PDE1C: variants seen among roughly 807,000 people sequenced by gnomAD.
PDE1C encodes dual specificity calcium/calmodulin-dependent 3',5'-cyclic nucleotide phosphodiesterase 1C.
In PDE1C, 62 loss-of-function variants were observed where a neutral mutation model predicts 93.1. The observed-to-expected ratio is 0.67, with a 90% CI of 0.54 to 0.82. The LOEUF (loss-of-function observed/expected upper bound fraction) is 0.82, where lower values mean the gene tolerates loss of function less well. Among genes scored for constraint, PDE1C ranks in the 40% least tolerant of loss-of-function variants. The pLI, the probability that PDE1C is intolerant of heterozygous loss-of-function variation, is 0.00. For synonymous variants in PDE1C, 325 were observed against 310.1 expected (o/e 1.05, Z -0.50); for missense variants, 742 against 884.6 (o/e 0.84, Z 2.04).
chr7:32,177,704 C>T lies in PDE1C; in HGVS notation c.137-7748G>A, dbSNP rs556753966. 3.3e-5 allele frequency among the ~76,000 whole-genome samples: 5 copies of T among 152,324 alleles called. No individual in the cohort carries two copies. In the South Asian group the frequency reaches 1.0e-3, roughly 32 times the overall value. ...TGAACCACACTGAGGCTCTTGCCTA[C>T]AGCAGCCTGATCCCCCCTCTGCCCA... On this transcript the variant is annotated intron_variant, in intron 2 of 18. Coordinates refer to the PDE1C transcript ENST00000396193.
the PDE1C span, among the ~76,000 whole-genome samples, chr7:31,642,515 C>G: frequency 2.0e-5 from 3 of 152,180 alleles, no homozygotes; most frequent in Non-Finnish European, 2.9e-5. Context: ...GGAGGCTGAG[C>G]CTCCTAGAGA....
intron 1 of PDE1C, among the ~76,000 whole-genome samples, chr7:32,326,366 G>A (rs1292178022): frequency 1.3e-5 from 2 of 152,164 alleles, no homozygotes; most frequent in South Asian, 2.1e-4. Context: ...AGATAACCAA[G>A]GGAATCACAT....
At chr7:32,248,475 T>C (rs1809128948) in intron 1 of PDE1C, among the ~76,000 whole-genome samples, 2 of 152,148 alleles carry the variant, frequency 1.3e-5, no homozygotes, top group South Asian at 2.1e-4. Context: ...AAAATTGAAA[T>C]AGCAGCTTGA....
intron 7 of PDE1C, among the ~76,000 whole-genome samples, chr7:31,857,771 T>C (rs894642868): frequency 6.6e-5 from 10 of 152,174 alleles, no homozygotes; most frequent in African/African-American, 2.4e-4. Flanking sequence ...AAGATTCTCA[T>C]AAACAAATAG....
At chr7:32,148,965 A>G (rs1801072474) in intron 3 of PDE1C, among the ~76,000 whole-genome samples, 1 of 152,224 alleles carries the variant, frequency 6.6e-6, no homozygotes, top group Admixed American at 6.5e-5. Context: ...TCAGGTGGAA[A>G]ACAAGATTCA....
intron 3 of PDE1C, among the ~76,000 whole-genome samples, chr7:32,111,882 A>G (rs1584783044): frequency 6.6e-6 from 1 of 152,232 alleles, no homozygotes; most frequent in Non-Finnish European, 1.5e-5. Context: ...TCTGCAAGAT[A>G]ATATAGATGG....
At chr7:32,420,124 T>TATACACAC (rs1207972839) in intron 1 of PDE1C, among the ~76,000 whole-genome samples, 2 of 13,088 alleles carry the variant, frequency 1.5e-4, no homozygotes, top group African/African-American at 4.9e-4. Flanking sequence ...TATATATATA[T>TATACACAC]ACACACACAC....
At chr7:31,765,394 C>T (rs1314116421) in intron 17 of PDE1C, among the ~76,000 whole-genome samples, 2 of 152,104 alleles carry the variant, frequency 1.3e-5, no homozygotes, top group Non-Finnish European at 2.9e-5. Context: ...TTTGTCTTGG[C>T]ATGATTCTAG....
chr7:32,309,529 C>A (rs1012390583), intron 1 of PDE1C, among the ~76,000 whole-genome samples: 5 of 152,172 alleles, frequency 3.3e-5, no homozygotes, highest in African/African-American at 1.2e-4. Flanking sequence ...AAGGGAAGCC[C>A]ATCAGACTAA....
intron 1 of PDE1C, among the ~76,000 whole-genome samples, chr7:32,348,040 G>A (rs1433704614): frequency 1.3e-5 from 2 of 152,168 alleles, no homozygotes; most frequent in Non-Finnish European, 2.9e-5. Flanking sequence ...TATTACATCT[G>A]ATGAAGGTCA....
At chr7:31,748,124 C>T (rs992533320), downstream of PDE1C, among the ~76,000 whole-genome samples, 6 of 149,830 alleles carry the variant, frequency 4.0e-5, no homozygotes, top group African/African-American at 1.5e-4. Context: ...TTAGCCTACA[C>T]CCAAGAATAA....
chr7:32,224,457 G>A (rs920749200), intron 1 of PDE1C, among the ~76,000 whole-genome samples: 2 of 152,106 alleles, frequency 1.3e-5, no homozygotes, highest in Non-Finnish European at 2.9e-5. Flanking sequence ...ACCTCTCTGA[G>A]TCACTTTCCT....
chr7:31,651,767 GT>G, the PDE1C span, among the ~76,000 whole-genome samples: 48,999 of 147,706 alleles, frequency 0.33, 8,167 homozygotes, highest in East Asian at 0.52. Flanking sequence ...CAATAAAGTT[GT>G]TTTTTTTTTT....
At chr7:31,838,610 T>C (rs76650889) in intron 9 of PDE1C, among the ~76,000 whole-genome samples, 3,141 of 152,284 alleles carry the variant, frequency 0.021, 38 homozygotes, top group Middle Eastern at 0.038. Flanking sequence ...CATAATGCCA[T>C]GTATCCACCA....
At chr7:31,892,297 C>T (rs1157347400) in intron 2 of PDE1C, among the ~76,000 whole-genome samples, 1 of 152,100 alleles carries the variant, frequency 6.6e-6, no homozygotes, top group African/African-American at 2.4e-5. Context: ...ATGCTTGGAG[C>T]TTGGTGAGAA....
rs759077841 is a variant in PDE1C, at chr7:32,225,105, G to A, written c.86-15566C>T. ...ATGAAGCATTATGGGCAAACCTATC[G>A]TTGTCAGTTTTCAAAGAAGGCAGTT... On this transcript the variant is annotated intron_variant, in intron 1 of 18. Transcript: ENST00000396193. Among the ~76,000 whole-genome samples, 8 of 151,924 alleles carry A rather than the reference G, an allele frequency of 5.3e-5. No homozygotes were observed. The South Asian group carries it at 1.2e-3, about 24-fold the overall frequency.
chr7:32,344,791 G>A (rs1398555535), intron 1 of PDE1C, among the ~76,000 whole-genome samples: 1 of 152,108 alleles, frequency 6.6e-6, no homozygotes, highest in African/African-American at 2.4e-5. Flanking sequence ...CTCCACGAGA[G>A]CAAGGATTTT....
chr7:32,211,771 C>T (rs1440525687), intron 1 of PDE1C, among the ~76,000 whole-genome samples: 1 of 151,854 alleles, frequency 6.6e-6, no homozygotes, highest in Non-Finnish European at 1.5e-5. Context: ...CCTGTAATCC[C>T]GGCACTGTGG....
intron 5 of PDE1C, among the ~76,000 whole-genome samples, chr7:31,873,728 A>G (rs909119216): frequency 6.6e-6 from 1 of 152,220 alleles, no homozygotes; most frequent in Non-Finnish European, 1.5e-5. Flanking sequence ...GTCGCATTTT[A>G]TGGATAAGAA....
Sources: allele counts gnomAD v4.1 joint callset (sites outside exome capture counted in the v4.1 genomes callset), GRCh38; gene constraint gnomAD v4.1.1; transcripts MANE v1.5; gene names NCBI Gene and HGNC (gene_info 2026-07-23, HGNC 2026-07-21).